Variants in NMNAT2 observed in about 807,000 individuals in gnomAD.
NMNAT2 encodes nicotinamide/nicotinic acid mononucleotide adenylyltransferase 2.
NMNAT2 carries 11 observed loss-of-function variants against 41.6 expected under a neutral mutation model. That is an observed-to-expected ratio of 0.26 (90% CI 0.17 to 0.44). The LOEUF is 0.44. Ranked by LOEUF, NMNAT2 falls within the 20% of genes least tolerant of loss-of-function variation. The probability of loss-of-function intolerance (pLI) is 1.00; values close to 1 mark genes in which losing one functional copy is unlikely to be tolerated. For missense variants in NMNAT2, 288 were observed against 407.7 expected (o/e 0.71, Z 2.53); for synonymous variants, 148 against 151.2 (o/e 0.98, Z 0.16).
At chr1:183,396,997 G>A (rs1340128175) in intron 1 of NMNAT2, among the ~76,000 whole-genome samples, 2 of 152,166 alleles carry the variant, frequency 1.3e-5, no homozygotes, top group Admixed American at 1.3e-4. Context: ...GCATCCTGAA[G>A]TAGTCAAAAC....
rs764964466 is a variant in NMNAT2, at chr1:183,261,187, G to A, written c.753+15C>T. ...GGGCCATAACACAGATGCACTAGCA[G>A]GATGGAGGACTCACTTTGTATTTGC... On this transcript the variant is annotated intron_variant, in intron 9 of 10. Transcript: ENST00000287713. 9.9e-6 allele frequency: 16 copies of A among 1,612,004 alleles called. No homozygotes were observed. The East Asian group carries it at 2.5e-4, about 25-fold the overall frequency.
At chr1:183,264,041 A>G (rs1660738355) in intron 8 of NMNAT2, among the ~76,000 whole-genome samples, 1 of 152,110 alleles carries the variant, frequency 6.6e-6, no homozygotes, top group Non-Finnish European at 1.5e-5. Flanking sequence ...GGAGAGAAGA[A>G]AGAATCTATC....
At chr1:183,328,584 T>A (rs1284435145) in intron 1 of NMNAT2, among the ~76,000 whole-genome samples, 1 of 152,196 alleles carries the variant, frequency 6.6e-6, no homozygotes, top group Admixed American at 6.5e-5. Context: ...AGGCTTGGTG[T>A]CAGGAGCTAG....
chr1:183,260,926 C>T (rs1410290408), intron 10 of NMNAT2, 76 bp downstream of exon 10: 1 of 1,201,502 alleles, frequency 8.3e-7, no homozygotes, highest in East Asian at 2.3e-5. Context: ...TTAGGGTCAT[C>T]TTTGATGGAG....
chr1:183,301,835 T>G (rs1661862179), intron 1 of NMNAT2, among the ~76,000 whole-genome samples: 1 of 152,332 alleles, frequency 6.6e-6, no homozygotes, highest in East Asian at 1.9e-4. Context: ...TACTCCTTCC[T>G]TCTAGGGAGT....
At chr1:183,275,156 G>A (rs1266624598) in intron 8 of NMNAT2, among the ~76,000 whole-genome samples, 3 of 152,144 alleles carry the variant, frequency 2.0e-5, no homozygotes, top group Admixed American at 1.3e-4. Flanking sequence ...CCTCATGTTC[G>A]GGGTGTGCAA....
At chr1:183,315,778 TA>T (rs11454305) in intron 1 of NMNAT2, among the ~76,000 whole-genome samples, 198 of 125,874 alleles carry the variant, frequency 1.6e-3, no homozygotes, top group Admixed American at 2.2e-3. Flanking sequence ...AGACTCCGTG[TA>T]AAAAAAAAAA....
intron 1 of NMNAT2, among the ~76,000 whole-genome samples, chr1:183,401,299 C>G (rs1174347640): frequency 3.9e-5 from 6 of 152,004 alleles, no homozygotes; most frequent in Admixed American, 2.6e-4. Context: ...ATGCAGCCAA[C>G]AGACACATGA....
intron 1 of NMNAT2, among the ~76,000 whole-genome samples, chr1:183,364,390 T>C (rs949468586): frequency 1.3e-5 from 2 of 152,200 alleles, no homozygotes; most frequent in Non-Finnish European, 2.9e-5. Flanking sequence ...TGGTATCCCA[T>C]TGGCAACTCT....
chr1:183,274,853 G>C (rs1358333605), intron 8 of NMNAT2, among the ~76,000 whole-genome samples: 3 of 151,918 alleles, frequency 2.0e-5, no homozygotes, highest in Non-Finnish European at 4.4e-5. Flanking sequence ...GGGATAGAAA[G>C]AACAAAGAAC....
At chr1:183,358,467 C>A (rs1212066515) in intron 1 of NMNAT2, among the ~76,000 whole-genome samples, 1 of 152,102 alleles carries the variant, frequency 6.6e-6, no homozygotes, top group African/African-American at 2.4e-5. Context: ...GGAATCCTCA[C>A]AAAGAACATG....
At chr1:183,290,040 T>A in intron 4 of NMNAT2, 88 bp downstream of exon 4, 1 of 1,073,506 alleles carries the variant, frequency 9.3e-7, no homozygotes, top group Admixed American at 2.3e-5. Context: ...CAGCACCCTC[T>A]CCTCTCCCTG....
At chr1:183,325,100 C>T (rs1031683022) in intron 1 of NMNAT2, among the ~76,000 whole-genome samples, 1 of 152,130 alleles carries the variant, frequency 6.6e-6, no homozygotes, top group African/African-American at 2.4e-5. Context: ...GGGGCCCTGG[C>T]CCAGGGTTTC....
intron 1 of NMNAT2, among the ~76,000 whole-genome samples, chr1:183,391,861 G>A (rs1309194916): frequency 6.6e-6 from 1 of 152,074 alleles, no homozygotes; most frequent in African/African-American, 2.4e-5. Flanking sequence ...GACTTCCAGG[G>A]CATCACTGTC....
At chr1:183,413,066 AATT>A (rs1370583025) in intron 1 of NMNAT2, among the ~76,000 whole-genome samples, 4 of 152,224 alleles carry the variant, frequency 2.6e-5, no homozygotes, top group Non-Finnish European at 4.4e-5. Flanking sequence ...TGCTAAAGAG[AATT>A]ATGCATTAAA....
chr1:183,339,388 C>T (rs532965072), intron 1 of NMNAT2, among the ~76,000 whole-genome samples: 47 of 152,282 alleles, frequency 3.1e-4, no homozygotes, highest in African/African-American at 9.6e-4. Flanking sequence ...AGAGCCATGG[C>T]GCCTGGCTGA....
At chr1:183,365,354 A>T (rs776063174) in intron 1 of NMNAT2, among the ~76,000 whole-genome samples, 2 of 152,076 alleles carry the variant, frequency 1.3e-5, no homozygotes, top group Non-Finnish European at 2.9e-5. Flanking sequence ...GACAGCAAAC[A>T]GGTCCATGCA....
Position 183,335,541 on chromosome 1 carries a change from T to C in NMNAT2, c.86-41748A>G, listed in dbSNP as rs1158942265. 2.0e-5 allele frequency among the ~76,000 whole-genome samples: 3 copies of C among 152,360 alleles called. No homozygotes were observed. The East Asian group carries it at 5.8e-4, about 29-fold the overall frequency. ...AAGCTTGAAGATGTTTCTGCTGTAG[T>C]CATCTTCAGTTCCAGCTTGGCTATG... is the stretch of plus-strand genomic sequence containing the variant. On this transcript the variant is annotated intron_variant, in intron 1 of 10. Coordinates refer to ENST00000287713, the MANE Select transcript of NMNAT2 (RefSeq NM_015039.4).
At chr1:183,291,302 G>A (rs1661534341) in intron 3 of NMNAT2, among the ~76,000 whole-genome samples, 1 of 151,944 alleles carries the variant, frequency 6.6e-6, no homozygotes, top group Non-Finnish European at 1.5e-5. Context: ...TGCCTAAAGT[G>A]CCCAGAGATG....
Sources: gnomAD v4.1 joint callset for allele counts (sites outside exome capture counted in the v4.1 genomes callset) on GRCh38, gnomAD v4.1.1 for gene constraint, MANE v1.5 for transcripts, NCBI Gene and HGNC (gene_info 2026-07-23, HGNC 2026-07-21) for gene names.